Variants in TRPV3 observed in about 807,000 individuals in gnomAD.
TRPV3 encodes the protein transient receptor potential cation channel subfamily V member 3, also known as VRL-3.
In TRPV3, 88 loss-of-function variants were observed where a neutral mutation model predicts 87.1. The observed-to-expected ratio is 1.01, with a 90% CI of 0.85 to 1.21. The LOEUF (loss-of-function observed/expected upper bound fraction) is 1.21, where lower values mean the gene tolerates loss of function less well. TRPV3 is among the 50% of genes most tolerant of loss of function. The pLI is 0.00. For synonymous variants in TRPV3, 438 were observed against 423.3 expected, an observed-to-expected ratio of 1.03 and a Z score of -0.43; for missense variants, 1,054 against 1,030.1, an observed-to-expected ratio of 1.02 and a Z score of -0.32.
At chr17:3,547,048 C>T (rs963245098) in intron 2 of TRPV3, among the ~76,000 whole-genome samples, 1 of 151,970 alleles carries the variant, frequency 6.6e-6, no homozygotes, top group South Asian at 2.1e-4. Context: ...TGCGGGTGGC[C>T]TAACACTTGA....
chr17:3,521,171 C>A, intron 13 of TRPV3, 132 bp from the exon 14 acceptor site: 1 of 475,458 alleles, frequency 2.1e-6, no homozygotes, highest in Non-Finnish European at 4.0e-6. Flanking sequence ...TCCCTTCCCC[C>A]AGCCAAATCC....
intron 2 of TRPV3, among the ~76,000 whole-genome samples, chr17:3,550,201 G>A (rs1457277898): frequency 6.6e-6 from 1 of 152,152 alleles, no homozygotes; most frequent in African/African-American, 2.4e-5. Flanking sequence ...GCTCTCAGGT[G>A]CTTAAAGCCT....
intron 14 of TRPV3, among the ~76,000 whole-genome samples, chr17:3,519,464 G>GATTA: frequency 6.7e-6 from 1 of 148,624 alleles, no homozygotes; most frequent in Non-Finnish European, 1.5e-5. Flanking sequence ...ATGATTAGAT[G>GATTA]GATGGATGGA....
chr17:3,535,317 TCCCTCCTCCCTTCCTTC>T (rs2074397152), intron 7 of TRPV3, among the ~76,000 whole-genome samples: 1 of 64,590 alleles, frequency 1.5e-5, no homozygotes. Context: ...TCTTCCTTTC[TCCCTCCTCCCTTCCTTC>T]CTCTCCCTCC....
chr17:3,515,429 G>A (rs986906045), intron 16 of TRPV3, among the ~76,000 whole-genome samples: 21 of 152,274 alleles, frequency 1.4e-4, no homozygotes, highest in Admixed American at 1.2e-3. Context: ...GGGAGGCCGA[G>A]GGGGGTGGAT....
intron 14 of TRPV3, among the ~76,000 whole-genome samples, chr17:3,520,064 T>C (rs2074233374): frequency 6.6e-6 from 1 of 151,662 alleles, no homozygotes; most frequent in African/African-American, 2.4e-5. Context: ...AATAGATGGA[T>C]GAATAAACAA....
chr17:3,553,834 A>T (rs2074600883), intron 2 of TRPV3: 2 of 152,310 alleles, frequency 1.3e-5, no homozygotes, highest in African/African-American at 4.8e-5. Context: ...AGCTCCAACT[A>T]ACAGAGGGGA....
intron 6 of TRPV3, among the ~76,000 whole-genome samples, chr17:3,541,645 A>AATG (rs761243982): frequency 3.3e-5 from 5 of 149,608 alleles, no homozygotes; most frequent in East Asian, 3.9e-4. Flanking sequence ...GGGGACAGTT[A>AATG]ATGATGATGA....
At chr17:3,548,387 C>G (rs1319176531) in intron 2 of TRPV3, among the ~76,000 whole-genome samples, 1 of 152,218 alleles carries the variant, frequency 6.6e-6, no homozygotes, top group African/African-American at 2.4e-5. Context: ...TTCCCGACAT[C>G]CAGGCTCATA....
At position 3,535,562 on chromosome 17, in the gene TRPV3, G is replaced by A. The variant is rs757838946; in HGVS notation, c.784+11C>T. 3.0e-5 allele frequency: 47 copies of A among 1,583,638 alleles called. No homozygotes were observed. The highest frequency in any genetic ancestry group is 3.7e-5 in the Non-Finnish European group (43 of 1,165,098). On this transcript the variant is annotated intron_variant, in intron 7 of 17. Coordinates refer to ENST00000576742, the MANE Select transcript of TRPV3 (RefSeq NM_145068.4). ...CTCCCAGACTCCGCACCGGGCGGGG[G>A]CGGCACCCACCGAAGTAGAAGCCTT...
intron 12 of TRPV3, among the ~76,000 whole-genome samples, chr17:3,525,176 C>T (rs1430775978): frequency 6.6e-6 from 1 of 152,142 alleles, no homozygotes; most frequent in Non-Finnish European, 1.5e-5. Context: ...CCCGCCACCA[C>T]ACCAGGCTCA....
intron 8 of TRPV3, 135 bp downstream of exon 8, chr17:3,532,521 TG>T: frequency 8.4e-7 from 1 of 1,191,880 alleles, no homozygotes; most frequent in Non-Finnish European, 1.2e-6. Flanking sequence ...ACTGCAGTTC[TG>T]GACCCAAGGC....
chr17:3,543,666 C>T, intron 4 of TRPV3, 38 bp from the exon 5 acceptor site: 2 of 1,610,336 alleles, frequency 1.2e-6, no homozygotes. Context: ...ACACACACAT[C>T]CTCTCAAGCT....
At chr17:3,526,792 G>T in intron 12 of TRPV3, 62 bp downstream of exon 12, 1 of 1,339,152 alleles carries the variant, frequency 7.5e-7, no homozygotes, top group Non-Finnish European at 1.1e-6. Context: ...GGACACGGCA[G>T]CCACCATACA....
intron 7 of TRPV3, among the ~76,000 whole-genome samples, chr17:3,534,732 C>T (rs1012946850): frequency 3.3e-5 from 5 of 151,928 alleles, no homozygotes; most frequent in African/African-American, 7.3e-5. Flanking sequence ...CTCTCACTCT[C>T]GACTCCCTGT....
intron 5 of TRPV3, among the ~76,000 whole-genome samples, chr17:3,543,002 C>A (rs1480142418): frequency 6.6e-6 from 1 of 152,062 alleles, no homozygotes; most frequent in Non-Finnish European, 1.5e-5. Flanking sequence ...AGCCTGCCCC[C>A]TCCTCGTGGC....
chr17:3,533,538 C>T (rs1403851855), intron 7 of TRPV3, among the ~76,000 whole-genome samples: 2 of 144,902 alleles, frequency 1.4e-5, no homozygotes, highest in South Asian at 2.2e-4. Flanking sequence ...CCTACTCTGT[C>T]GCCAGGCTGG....
chr17:3,524,332 C>T lies in TRPV3; in HGVS notation c.1609G>A (p.Val537Ile). 1 of 1,614,230 alleles carries T rather than the reference C, an allele frequency of 6.2e-7. No homozygotes were observed. Residue 537 changes from valine to isoleucine, a missense_variant, in exon 13 of 18, where the codon GTC becomes ATC. Coordinates refer to ENST00000576742, the MANE Select transcript of TRPV3 (RefSeq NM_145068.4). ...FIQAVLVILS[V>I]FLYLFAYKEY... The stretch of plus-strand genomic sequence containing the variant: ...TTGTAGGCAAACAAGTACAAGAAGA[C>T]AGACAGTATCACAAGCACAGCTTGG...
Position 3,514,016 on chromosome 17 carries a change from T to C in TRPV3, c.2279-5A>G. ...AATCTTGGATTTTGTTGAAATCTGC[T>C]TTTTAAAAAAATATATATTTTAGAA... On this transcript the variant is annotated splice_polypyrimidine_tract_variant and splice_region_variant and intron_variant, in intron 17 of 17. Transcript: ENST00000576742. The C allele has an allele frequency of 6.2e-7, 1 of 1,605,328 alleles. No homozygotes were observed. Among genetic ancestry groups the C allele is most frequent in the Non-Finnish European group, 8.5e-7 (1 of 1,173,710 alleles).
Sources: gnomAD v4.1 joint callset for allele counts (sites outside exome capture counted in the v4.1 genomes callset) on GRCh38, gnomAD v4.1.1 for gene constraint, MANE v1.5 for transcripts, NCBI Gene and HGNC (gene_info 2026-07-23, HGNC 2026-07-21) for gene names.